The following ZDHHC7 variants were observed in gnomAD, a reference collection of about 807,000 sequenced individuals.
ZDHHC7 encodes zDHHC palmitoyltransferase 7, also known as palmitoyltransferase ZDHHC7.
In ZDHHC7, 12 loss-of-function variants were observed where a neutral mutation model predicts 34.1. The ratio of observed to expected loss-of-function variants is 0.35; its 90% confidence interval spans 0.23 to 0.57. The LOEUF is 0.57. ZDHHC7 is among the 20% of genes least tolerant of loss of function. The pLI is 0.84. For missense variants in ZDHHC7, 388 were observed against 402.7 expected, an observed-to-expected ratio of 0.96 and a Z score of 0.31; for synonymous variants, 185 against 155.4, an observed-to-expected ratio of 1.19 and a Z score of -1.42.
rs1491162046 is a variant in ZDHHC7 at position 85,008,510 on chromosome 16, CCA to C, written c.-104+2774_-104+2775del. Among the ~76,000 whole-genome samples the C allele has an allele frequency of 2.4e-4, 35 of 145,544 alleles. 3 individuals carry two copies. In the South Asian group the frequency reaches 6.1e-3, roughly 25 times the overall value. ...TGGGAACCACCACCTACACCCCCCC[CCA>C]AAAAAAAGCCAACTTGCAGTTGGTA... On this transcript the variant is annotated intron_variant, in intron 1 of 7. Transcript: ENST00000313732.
chr16:84,995,281 A>C (rs1044996608), intron 2 of ZDHHC7, among the ~76,000 whole-genome samples: 2 of 152,194 alleles, frequency 1.3e-5, no homozygotes, highest in Non-Finnish European at 2.9e-5. Flanking sequence ...AGAACACCAA[A>C]AGCAACACTA....
chr16:85,023,867 C>T, the ZDHHC7 span, among the ~76,000 whole-genome samples: 8 of 152,094 alleles, frequency 5.3e-5, no homozygotes, highest in Admixed American at 6.5e-5. Flanking sequence ...TGATCTGCCT[C>T]GGCCTCCCAA....
At chr16:85,010,290 G>A (rs957884795) in intron 1 of ZDHHC7, among the ~76,000 whole-genome samples, 11 of 152,128 alleles carry the variant, frequency 7.2e-5, no homozygotes, top group African/African-American at 2.7e-4. Flanking sequence ...CCAAAGCGCT[G>A]GGATTACAGG....
At chr16:84,977,881 A>G (rs779752836) in intron 6 of ZDHHC7, 43 bp downstream of exon 6, 1 of 1,505,332 alleles carries the variant, frequency 6.6e-7, no homozygotes, top group Admixed American at 1.8e-5. Context: ...TCATCCAATA[A>G]CAGCATGCAA....
At chr16:85,027,443 G>A in the ZDHHC7 span, among the ~76,000 whole-genome samples, 3 of 152,122 alleles carry the variant, frequency 2.0e-5, no homozygotes, top group South Asian at 6.2e-4. Context: ...GTATTTCCTA[G>A]CTCCCTGATG....
intron 2 of ZDHHC7, among the ~76,000 whole-genome samples, chr16:84,991,524 G>A (rs974663035): frequency 4.6e-5 from 7 of 152,134 alleles, no homozygotes; most frequent in African/African-American, 1.4e-4. Context: ...CTGACCTCAG[G>A]TGATCCATCT....
At chr16:84,993,203 C>G (rs922381557) in intron 2 of ZDHHC7, among the ~76,000 whole-genome samples, 2 of 152,006 alleles carry the variant, frequency 1.3e-5, no homozygotes, top group East Asian at 1.9e-4. Flanking sequence ...CGCTTATAGT[C>G]CCCCCTACTA....
At chr16:85,018,023 T>C in the ZDHHC7 span, among the ~76,000 whole-genome samples, 58 of 152,070 alleles carry the variant, frequency 3.8e-4, no homozygotes, top group African/African-American at 1.4e-3. Context: ...GGTGGGTGTG[T>C]GTTTAGGATA....
At chr16:85,012,151 G>T (rs2143776183), upstream of ZDHHC7, among the ~76,000 whole-genome samples, 1 of 152,326 alleles carries the variant, frequency 6.6e-6, no homozygotes, top group South Asian at 2.1e-4. Context: ...GGAAGCCAAG[G>T]CAGGCTGATC....
chr16:85,015,951 G>T (rs766712366), upstream of ZDHHC7, among the ~76,000 whole-genome samples: 6 of 152,104 alleles, frequency 3.9e-5, no homozygotes, highest in Non-Finnish European at 7.4e-5. Flanking sequence ...ATGACAAAAA[G>T]TCTGTTTCTT....
At chr16:85,013,441 C>G (rs1414321383), upstream of ZDHHC7, among the ~76,000 whole-genome samples, 1 of 152,042 alleles carries the variant, frequency 6.6e-6, no homozygotes, top group Non-Finnish European at 1.5e-5. Flanking sequence ...TAGGGTTTTG[C>G]CATGTTGGCC....
In ZDHHC7 at chr16:84,976,207, ACT is replaced by A; in HGVS notation, c.*134_*135del. ...CCATCTGTGACTATAAATATATAAAACTCTGCTTGCTGCAAGCAATTGGTTTG... is the reference window on the plus strand; with the variant it reads ...CCATCTGTGACTATAAATATATAAAACTGCTTGCTGCAAGCAATTGGTTTG... On this transcript the variant is annotated 3_prime_UTR_variant, in exon 8 of 8. Transcript: ENST00000313732. 9.0e-7 allele frequency: 1 copy of A among 1,108,146 alleles called. No homozygotes were observed. The highest frequency in any genetic ancestry group is 1.3e-6 in the Non-Finnish European group (1 of 768,342). 68.6% of individuals were successfully genotyped at this position (1,108,146 alleles called of 1,614,324 possible).
intron 1 of ZDHHC7, among the ~76,000 whole-genome samples, chr16:85,003,863 G>T (rs2072683071): frequency 6.6e-6 from 1 of 152,054 alleles, no homozygotes; most frequent in Non-Finnish European, 1.5e-5. Flanking sequence ...GGGCCTGGGG[G>T]ACAACACTGA....
intron 5 of ZDHHC7, among the ~76,000 whole-genome samples, chr16:84,978,392 T>C (rs1471002956): frequency 2.6e-5 from 4 of 152,212 alleles, no homozygotes; most frequent in Non-Finnish European, 5.9e-5. Context: ...ATGGCAGCAG[T>C]TGACATTTTC....
At chr16:85,011,235 C>A (rs1313604044) in intron 1 of ZDHHC7, 51 bp downstream of exon 1, 1 of 152,178 alleles carries the variant, frequency 6.6e-6, no homozygotes, top group Non-Finnish European at 1.5e-5. Context: ...CCAGAAGTGG[C>A]CGGGAGACCC....
At chr16:84,995,093 C>T (rs2072559282) in intron 2 of ZDHHC7, among the ~76,000 whole-genome samples, 1 of 152,120 alleles carries the variant, frequency 6.6e-6, no homozygotes, top group African/African-American at 2.4e-5. Flanking sequence ...CACTGAATTC[C>T]AAAACCACCG....
intron 7 of ZDHHC7, 114 bp from the exon 8 acceptor site, chr16:84,976,633 G>T: frequency 7.2e-7 from 1 of 1,383,080 alleles, no homozygotes; most frequent in South Asian, 1.3e-5. Flanking sequence ...GAGGGTAGGT[G>T]AGTGAACTCT....
At chr16:85,005,554 C>T (rs959189269) in intron 1 of ZDHHC7, among the ~76,000 whole-genome samples, 2 of 152,220 alleles carry the variant, frequency 1.3e-5, no homozygotes, top group East Asian at 1.9e-4. Context: ...GGAGTCAGAA[C>T]TGTTTTGATT....
the ZDHHC7 span, among the ~76,000 whole-genome samples, chr16:85,017,297 A>T: frequency 6.6e-6 from 1 of 152,194 alleles, no homozygotes; most frequent in Non-Finnish European, 1.5e-5. Flanking sequence ...GGAAATGAAA[A>T]CTTAAACCAC....
Sources: allele counts gnomAD v4.1 joint callset (sites outside exome capture counted in the v4.1 genomes callset), GRCh38; gene constraint gnomAD v4.1.1; transcripts MANE v1.5; gene names NCBI Gene and HGNC (gene_info 2026-07-23, HGNC 2026-07-21).